Variants in SLC60A2 observed in about 807,000 individuals in gnomAD.
The protein encoded by SLC60A2 is major facilitator superfamily domain containing 4B.
the SLC60A2 span, among the ~76,000 whole-genome samples, chr6:111,272,426 C>T: frequency 6.6e-6 from 1 of 151,796 alleles, no homozygotes; most frequent in East Asian, 1.9e-4. Flanking sequence ...TGTGCTATAG[C>T]TGTTTTCAGT....
the SLC60A2 span, among the ~76,000 whole-genome samples, chr6:111,273,734 T>C: frequency 0.03 from 4,545 of 152,138 alleles, 207 homozygotes; most frequent in African/African-American, 0.1. Flanking sequence ...ATTTATTTTT[T>C]TAGTTTTTTG....
At chr6:111,278,504 G>A in the SLC60A2 span, 1 of 152,102 alleles carries the variant, frequency 6.6e-6, no homozygotes, top group African/African-American at 2.4e-5. Context: ...GTTGTTGGAG[G>A]GACCTGGTGG....
the SLC60A2 span, chr6:111,266,449 C>T: frequency 1.2e-6 from 2 of 1,614,208 alleles, no homozygotes; most frequent in African/African-American, 1.3e-5. Flanking sequence ...CAGCCTGGAA[C>T]CATGATTGTG....
chr6:111,267,812 C>G, the SLC60A2 span: 1 of 152,138 alleles, frequency 6.6e-6, no homozygotes, highest in African/African-American at 2.4e-5. Flanking sequence ...GACATCTAGA[C>G]TCCGTCTCAA....
the SLC60A2 span, chr6:111,277,817 A>C: frequency 2.0e-5 from 3 of 152,044 alleles, no homozygotes; most frequent in Non-Finnish European, 4.4e-5. Flanking sequence ...AGTTGAGGTG[A>C]ATATAGGCAA....
chr6:111,273,266 C>T, the SLC60A2 span, among the ~76,000 whole-genome samples: 1 of 152,072 alleles, frequency 6.6e-6, no homozygotes, highest in African/African-American at 2.4e-5. Context: ...TCCCCTGCCT[C>T]AGCCTTCTGA....
chr6:111,271,255 T>C, the SLC60A2 span: 1 of 151,658 alleles, frequency 6.6e-6, no homozygotes, highest in East Asian at 1.9e-4. Flanking sequence ...TTGTATTTTA[T>C]AATAGAATCC....
chr6:111,269,449 C>T, the SLC60A2 span: 1 of 152,312 alleles, frequency 6.6e-6, no homozygotes, highest in East Asian at 1.9e-4. Context: ...ATCTGCCCAC[C>T]TCAGCCTCCC....
At chr6:111,271,334 T>A in the SLC60A2 span, among the ~76,000 whole-genome samples, 1 of 152,070 alleles carries the variant, frequency 6.6e-6, no homozygotes, top group Non-Finnish European at 1.5e-5. Flanking sequence ...GAAAAATTAC[T>A]TTTTATTATA....
At chr6:111,260,936 G>C in the SLC60A2 span, among the ~76,000 whole-genome samples, 1 of 152,192 alleles carries the variant, frequency 6.6e-6, no homozygotes, top group African/African-American at 2.4e-5. Flanking sequence ...TTACGAGTTG[G>C]GCAGGGGGCG....
chr6:111,276,126 A>G, the SLC60A2 span, among the ~76,000 whole-genome samples: 2 of 152,322 alleles, frequency 1.3e-5, no homozygotes, highest in African/African-American at 2.4e-5. Flanking sequence ...TTTTAAGTCT[A>G]TGATACACCA....
chr6:111,265,781 A>G, the SLC60A2 span: 1 of 976,224 alleles, frequency 1.0e-6, no homozygotes, highest in Non-Finnish European at 1.5e-6. Context: ...GTGCTATGTA[A>G]AATAGACTCA....
At chr6:111,263,856 G>A in the SLC60A2 span, 3 of 1,606,604 alleles carry the variant, frequency 1.9e-6, no homozygotes, top group African/African-American at 4.0e-5. Flanking sequence ...TACCACCGTT[G>A]GTCTTTATCT....
At chr6:111,278,719 G>A in the SLC60A2 span, 3 of 152,418 alleles carry the variant, frequency 2.0e-5, no homozygotes, top group Non-Finnish European at 4.4e-5. Context: ...GGAACTGTAA[G>A]TCCAATAAAC....
chr6:111,279,692 T>G, the SLC60A2 span, among the ~76,000 whole-genome samples: 1 of 152,216 alleles, frequency 6.6e-6, no homozygotes, highest in Non-Finnish European at 1.5e-5. Flanking sequence ...GAGGTTGCCC[T>G]TCTAGGCAGG....
At chr6:111,272,664 AC>A in the SLC60A2 span, among the ~76,000 whole-genome samples, 352 of 151,458 alleles carry the variant, frequency 2.3e-3, 2 homozygotes, top group East Asian at 0.021. Flanking sequence ...GGCATGTGTC[AC>A]CATTCCTGGC....
At chr6:111,262,071 G>C in the SLC60A2 span, among the ~76,000 whole-genome samples, 1 of 150,950 alleles carries the variant, frequency 6.6e-6, no homozygotes, top group Admixed American at 6.6e-5. Context: ...AAACTGAGAG[G>C]TGTCAAAACA....
chr6:111,264,018 C>T, the SLC60A2 span: 1 of 757,200 alleles, frequency 1.3e-6, no homozygotes, highest in Non-Finnish European at 2.3e-6. Flanking sequence ...TGATACTAAA[C>T]TGTCACTTGC....
the SLC60A2 span, among the ~76,000 whole-genome samples, chr6:111,272,723 G>C: frequency 6.6e-6 from 1 of 151,778 alleles, no homozygotes; most frequent in Non-Finnish European, 1.5e-5. Context: ...TGTTGGTCAG[G>C]CTGGTCTCGA....
Sources: allele counts gnomAD v4.1 joint callset (sites outside exome capture counted in the v4.1 genomes callset), GRCh38; gene constraint gnomAD v4.1.1; transcripts MANE v1.5; gene names NCBI Gene and HGNC (gene_info 2026-07-23, HGNC 2026-07-21).